The following CFAP221 variants were observed in gnomAD, a reference collection of about 807,000 sequenced individuals.
CFAP221 encodes the protein cilia- and flagella-associated protein 221.
A neutral mutation model predicts 113.1 loss-of-function variants in CFAP221; 97 were observed. The observed-to-expected ratio is 0.86, with a 90% CI of 0.73 to 1.02. The LOEUF (loss-of-function observed/expected upper bound fraction) is 1.02, where lower values mean the gene tolerates loss of function less well. Ranked by LOEUF, CFAP221 falls within the 50% of genes least tolerant of loss-of-function variation. The pLI, the probability that CFAP221 is intolerant of heterozygous loss-of-function variation, is 0.00. For synonymous variants in CFAP221, 331 were observed against 354.4 expected (o/e 0.93, Z 0.74); for missense variants, 1,025 against 1,013.4 (o/e 1.01, Z -0.16).
At chr2:119,610,546 T>C (rs1192699475) in intron 12 of CFAP221, among the ~76,000 whole-genome samples, 1 of 152,156 alleles carries the variant, frequency 6.6e-6, no homozygotes, top group African/African-American at 2.4e-5. Flanking sequence ...CTTCTTTATA[T>C]TGCCTATTTT....
chr2:119,598,863 G>A (rs1684176117), intron 7 of CFAP221, among the ~76,000 whole-genome samples: 1 of 152,184 alleles, frequency 6.6e-6, no homozygotes, highest in African/African-American at 2.4e-5. Context: ...CCGGGTCAAG[G>A]CAAACATTAA....
At chr2:119,614,895 C>T (rs1044264467) in intron 13 of CFAP221, among the ~76,000 whole-genome samples, 1 of 152,194 alleles carries the variant, frequency 6.6e-6, no homozygotes, top group Non-Finnish European at 1.5e-5. Flanking sequence ...TTATTCTGGC[C>T]ACAAAGTCTT....
At chr2:119,545,194 C>T (rs1679967826) in intron 1 of CFAP221, 1 of 151,846 alleles carries the variant, frequency 6.6e-6, no homozygotes, top group South Asian at 2.1e-4. Context: ...ACCGAAAAAA[C>T]ACACAAAGAT....
intron 6 of CFAP221, among the ~76,000 whole-genome samples, chr2:119,575,069 AT>A (rs1682343430): frequency 6.6e-6 from 1 of 152,164 alleles, no homozygotes; most frequent in Non-Finnish European, 1.5e-5. Flanking sequence ...ATTATGGGTC[AT>A]TTAGCTCTGA....
At chr2:119,638,233 G>A in intron 19 of CFAP221, 26 bp from the exon 20 acceptor site, 3 of 1,612,758 alleles carry the variant, frequency 1.9e-6, no homozygotes, top group Non-Finnish European at 1.7e-6. Flanking sequence ...AAACAGAAAA[G>A]AATATTTTTT....
intron 7 of CFAP221, among the ~76,000 whole-genome samples, chr2:119,596,037 G>A (rs908053851): frequency 2.0e-5 from 3 of 152,086 alleles, no homozygotes; most frequent in East Asian, 1.9e-4. Context: ...GCAGGGGTTC[G>A]AGGAGGGTGG....
chr2:119,647,323 G>A (rs1687873285), intron 22 of CFAP221, among the ~76,000 whole-genome samples: 1 of 152,194 alleles, frequency 6.6e-6, no homozygotes, highest in African/African-American at 2.4e-5. Context: ...GCCTTGGAAG[G>A]CTTCAGTGGT....
chr2:119,646,829 A>T, intron 21 of CFAP221, 129 bp from the exon 22 acceptor site: 1 of 697,656 alleles, frequency 1.4e-6, no homozygotes, highest in Non-Finnish European at 2.2e-6. Context: ...TGGCTTTTCA[A>T]GAGTGAGGGA....
intron 11 of CFAP221, among the ~76,000 whole-genome samples, 165 bp from the exon 12 acceptor site, chr2:119,608,337 T>C (rs1233699003): frequency 6.6e-6 from 1 of 152,240 alleles, no homozygotes; most frequent in Non-Finnish European, 1.5e-5. Context: ...TTATTCATCT[T>C]AGTTATGTTG....
chr2:119,647,332 G>A (rs781031836), intron 22 of CFAP221, among the ~76,000 whole-genome samples: 5 of 152,306 alleles, frequency 3.3e-5, no homozygotes, highest in Non-Finnish European at 7.3e-5. Flanking sequence ...GGCTTCAGTG[G>A]TCACATGGAC....
At position 119,546,116 on chromosome 2, in the gene CFAP221, C is replaced by A; in HGVS notation, c.-16C>A. The A allele has an allele frequency of 4.6e-6, 7 of 1,522,680 alleles. No homozygotes were observed. Among genetic ancestry groups the A allele is most frequent in the Non-Finnish European group, 6.1e-6 (7 of 1,143,536 alleles). The allele number at this position is 1,522,680 out of a possible 1,614,324, so 94.3% of individuals were successfully genotyped here. ...ACCTTTGGCTCTAAAAAGAAGACTC[C>A]ATTTTTCATGATAAAATGGCAGTGG... On this transcript the variant is annotated 5_prime_UTR_variant, in exon 2 of 24. Transcript: ENST00000413369.
intron 12 of CFAP221, among the ~76,000 whole-genome samples, chr2:119,610,898 A>G (rs1162842338): frequency 6.6e-6 from 1 of 152,192 alleles, no homozygotes; most frequent in African/African-American, 2.4e-5. Context: ...CCACCTGGGC[A>G]GACACATATA....
At chr2:119,579,486 G>A (rs1481761598) in intron 6 of CFAP221, among the ~76,000 whole-genome samples, 2 of 152,122 alleles carry the variant, frequency 1.3e-5, no homozygotes, top group African/African-American at 4.8e-5. Flanking sequence ...CATCTGGACT[G>A]TCTTTGATTT....
At chr2:119,549,618 C>T (rs1680284750) in intron 3 of CFAP221, among the ~76,000 whole-genome samples, 1 of 152,206 alleles carries the variant, frequency 6.6e-6, no homozygotes, top group Non-Finnish European at 1.5e-5. Flanking sequence ...TCCTGGGCTG[C>T]CTTTCTCCAG....
chr2:119,644,564 T>C lies in CFAP221; in HGVS notation c.2226-2394T>C, dbSNP rs139600381. 4.2e-3 allele frequency among the ~76,000 whole-genome samples: 642 copies of C among 152,214 alleles called. 5 individuals are homozygous for C. The highest frequency in any genetic ancestry group is 7.1e-3 in the Non-Finnish European group (480 of 68,008). On this transcript the variant is annotated intron_variant, in intron 21 of 23. Transcript: ENST00000413369. The stretch of plus-strand genomic sequence containing the variant: ...GGCCCAGGTTTGTTTTGGTGGGAAA[T>C]GGGATTAAAGACCAAAATCTGGGTG...
chr2:119,629,101 C>A (rs1311667235), intron 16 of CFAP221, among the ~76,000 whole-genome samples: 1 of 152,128 alleles, frequency 6.6e-6, no homozygotes, highest in Non-Finnish European at 1.5e-5. Flanking sequence ...CTTTTTCTTA[C>A]ATTTAGCATC....
At chr2:119,616,815 C>T (rs142605817) in intron 14 of CFAP221, among the ~76,000 whole-genome samples, 6 of 152,338 alleles carry the variant, frequency 3.9e-5, no homozygotes, top group East Asian at 1.9e-4. Context: ...TACAAGAGGC[C>T]GTCCTTGTGC....
At chr2:119,571,360 G>A (rs900558154) in intron 6 of CFAP221, among the ~76,000 whole-genome samples, 1 of 151,768 alleles carries the variant, frequency 6.6e-6, no homozygotes, top group Non-Finnish European at 1.5e-5. Context: ...GTCTGGTCTC[G>A]AATTCCTGAC....
chr2:119,573,549 A>G (rs1682217593), intron 6 of CFAP221: 1 of 152,212 alleles, frequency 6.6e-6, no homozygotes, highest in African/African-American at 2.4e-5. Flanking sequence ...TTGTCATTTA[A>G]CAACAGCCTA....
Sources: gnomAD v4.1 joint callset for allele counts (sites outside exome capture counted in the v4.1 genomes callset) on GRCh38, gnomAD v4.1.1 for gene constraint, MANE v1.5 for transcripts, NCBI Gene and HGNC (gene_info 2026-07-23, HGNC 2026-07-21) for gene names.